The following GPR89B variants were observed in gnomAD, a reference collection of about 807,000 sequenced individuals.
GPR89B encodes the protein golgi pH regulator B, also known as G protein-coupled receptor 89B.
Under a neutral mutation model 52.4 loss-of-function variants are expected in GPR89B, and 25 were observed. The observed-to-expected ratio is 0.48, with a 90% CI of 0.35 to 0.67. The LOEUF is 0.67. GPR89B is among the 30% of genes least tolerant of loss of function. The pLI is 0.01. For synonymous variants in GPR89B, 52 were observed against 151.2 expected (o/e 0.34, Z 4.81); for missense variants, 146 against 450.2 (o/e 0.32, Z 6.11).
intron 7 of GPR89B, among the ~76,000 whole-genome samples, chr1:147,960,316 A>G (rs1330183532): frequency 6.7e-6 from 1 of 149,538 alleles, no homozygotes; most frequent in Non-Finnish European, 1.5e-5. Flanking sequence ...AGCAGCCAAT[A>G]GATACTAACT....
intron 5 of GPR89B, among the ~76,000 whole-genome samples, chr1:147,951,091 A>G (rs587629652): frequency 2.6e-5 from 4 of 152,064 alleles, no homozygotes; most frequent in South Asian, 4.2e-4. Context: ...ACTTATTACC[A>G]TAGTGTCGTA....
chr1:147,946,019 C>T (rs1195447185), intron 5 of GPR89B, among the ~76,000 whole-genome samples: 3 of 151,988 alleles, frequency 2.0e-5, no homozygotes, highest in African/African-American at 7.3e-5. Context: ...AGCCACCACA[C>T]CCAGCCTCAA....
the GPR89B span, among the ~76,000 whole-genome samples, chr1:148,021,154 C>T: frequency 2.1e-4 from 32 of 151,906 alleles, 1 homozygote; most frequent in Admixed American, 5.2e-4. Flanking sequence ...TGATTCTCTA[C>T]TTGGACCTTG....
the GPR89B span, chr1:148,014,463 C>T: frequency 6.6e-6 from 1 of 151,102 alleles, no homozygotes; most frequent in Non-Finnish European, 1.5e-5. Flanking sequence ...AACACCACCG[C>T]GGACGAGGGC....
At chr1:147,972,067 C>T (rs1297451639) in intron 10 of GPR89B, among the ~76,000 whole-genome samples, 1 of 151,606 alleles carries the variant, frequency 6.6e-6, no homozygotes, top group East Asian at 1.9e-4. Flanking sequence ...TAAGTAGAAT[C>T]CTACAGTATG....
At chr1:148,000,121 G>T in the GPR89B span, among the ~76,000 whole-genome samples, 1 of 151,582 alleles carries the variant, frequency 6.6e-6, no homozygotes, top group Non-Finnish European at 1.5e-5. Flanking sequence ...TTTACTTTTA[G>T]GTTAGTATAG....
the GPR89B span, chr1:148,011,959 A>G: frequency 1.3e-5 from 2 of 152,138 alleles, no homozygotes; most frequent in Non-Finnish European, 2.9e-5. Flanking sequence ...TCATCCAAAA[A>G]TCTTTGGTGG....
At chr1:147,954,843 G>A (rs1398289820) in intron 7 of GPR89B, among the ~76,000 whole-genome samples, 1 of 151,926 alleles carries the variant, frequency 6.6e-6, no homozygotes, top group Admixed American at 6.6e-5. Flanking sequence ...GGCATACAAA[G>A]TGGAATAATT....
the GPR89B span, chr1:148,011,569 C>T: frequency 7.6e-3 from 1,153 of 152,262 alleles, 7 homozygotes; most frequent in Non-Finnish European, 0.013. Flanking sequence ...CTTCGTGAGT[C>T]GGAGAGCCAT....
chr1:147,956,799 G>A (rs1257629230), intron 7 of GPR89B, among the ~76,000 whole-genome samples: 4 of 151,322 alleles, frequency 2.6e-5, no homozygotes, highest in Non-Finnish European at 4.4e-5. Context: ...GTGCAGTGAC[G>A]TGATTTCAGC....
chr1:147,980,719 T>G (rs1658174563), intron 10 of GPR89B, among the ~76,000 whole-genome samples: 1 of 144,724 alleles, frequency 6.9e-6, no homozygotes, highest in Non-Finnish European at 1.5e-5. Context: ...CTTGGGAGGC[T>G]GAGGCAGGAG....
At chr1:147,983,936 A>C (rs2149090839) in intron 10 of GPR89B, among the ~76,000 whole-genome samples, 2 of 152,232 alleles carry the variant, frequency 1.3e-5, no homozygotes, top group Admixed American at 6.5e-5. Flanking sequence ...CCAAATGTCC[A>C]ACAATGATAG....
chr1:147,950,236 C>T (rs587718769), intron 5 of GPR89B, among the ~76,000 whole-genome samples: 186 of 150,730 alleles, frequency 1.2e-3, no homozygotes, highest in African/African-American at 4.3e-3. Flanking sequence ...TGGGCAGAGA[C>T]GCTCCTCACC....
At chr1:148,013,244 C>T in the GPR89B span, among the ~76,000 whole-genome samples, 9 of 152,152 alleles carry the variant, frequency 5.9e-5, no homozygotes, top group Non-Finnish European at 8.8e-5. Context: ...AAGAGGAGTC[C>T]GCCAGGTGGG....
intron 8 of GPR89B, chr1:147,968,637 A>C: frequency 1.6e-6 from 1 of 608,648 alleles, no homozygotes; most frequent in Non-Finnish European, 2.9e-6. Flanking sequence ...TGCTTGACTT[A>C]AGAGAAACTG....
the GPR89B span, among the ~76,000 whole-genome samples, chr1:148,003,002 A>G: frequency 6.6e-6 from 1 of 152,184 alleles, no homozygotes; most frequent in Admixed American, 6.5e-5. Flanking sequence ...CTGCCCCTGT[A>G]TGAAGGTACT....
downstream of GPR89B, among the ~76,000 whole-genome samples, chr1:147,994,850 T>A (rs1386778576): frequency 2.1e-4 from 32 of 152,064 alleles, no homozygotes; most frequent in African/African-American, 7.0e-4. Flanking sequence ...GCAGAATTAA[T>A]ATAATGGAAA....
intron 3 of GPR89B, among the ~76,000 whole-genome samples, chr1:147,941,600 ATT>A (rs1224078690): frequency 2.7e-5 from 4 of 150,758 alleles, no homozygotes; most frequent in Non-Finnish European, 4.4e-5. Context: ...GACACTGTTA[ATT>A]GCCTTTGCAT....
rs587674907 is a variant in GPR89B at position 147,946,640 on chromosome 1, C to T, written c.415+2542C>T. On this transcript the variant is annotated intron_variant, in intron 5 of 13. Coordinates refer to ENST00000314163, the MANE Select transcript of GPR89B (RefSeq NM_016334.5). ...GGCAAATACAGTCTCACATGCACTA[C>T]AAAGACCCGACTCTGACACCTTTCT... Among the ~76,000 whole-genome samples, 3 of 152,166 alleles carry T rather than the reference C, an allele frequency of 2.0e-5. No homozygotes were observed. The East Asian group carries it at 5.8e-4, about 29-fold the overall frequency.
Sources: allele counts gnomAD v4.1 joint callset (sites outside exome capture counted in the v4.1 genomes callset), GRCh38; gene constraint gnomAD v4.1.1; transcripts MANE v1.5; gene names NCBI Gene and HGNC (gene_info 2026-07-23, HGNC 2026-07-21).